CNTNAP3: variants seen among roughly 807,000 people sequenced by gnomAD.
CNTNAP3 encodes contactin-associated protein-like 3.
In CNTNAP3, 36 loss-of-function variants were observed where a neutral mutation model predicts 92.1. That is an observed-to-expected ratio of 0.39 (90% CI 0.30 to 0.52). The LOEUF is 0.52. Among genes scored for constraint, CNTNAP3 ranks in the 20% least tolerant of loss-of-function variants. The pLI is 0.76. For synonymous variants in CNTNAP3, 232 were observed against 422.3 expected, an observed-to-expected ratio of 0.55 and a Z score of 5.53; for missense variants, 534 against 1,069.6, an observed-to-expected ratio of 0.50 and a Z score of 6.98.
intron 13 of CNTNAP3, among the ~76,000 whole-genome samples, chr9:39,123,624 T>C (rs1821089495): frequency 6.6e-6 from 1 of 151,936 alleles, no homozygotes; most frequent in South Asian, 2.1e-4. Flanking sequence ...TTGCAAAAAA[T>C]TGAAGACTTT....
chr9:39,111,532 T>G (rs954222602), intron 14 of CNTNAP3, among the ~76,000 whole-genome samples: 1 of 152,138 alleles, frequency 6.6e-6, no homozygotes, highest in Non-Finnish European at 1.5e-5. Flanking sequence ...GCATCACCAT[T>G]CAGCTTTAGA....
rs1488371902 is a variant in CNTNAP3 at position 39,145,587 on chromosome 9, G to A, written c.1650-1241C>T. Among the ~76,000 whole-genome samples, 3 of 137,042 alleles carry A rather than the reference G, an allele frequency of 2.2e-5. 1 individual carries two copies. The highest frequency in any genetic ancestry group is 7.0e-5 in the Admixed American group (1 of 14,374). The allele number at this position is 137,042 out of a possible 152,430, so 89.9% of individuals were successfully genotyped here. On this transcript the variant is annotated intron_variant, in intron 10 of 23. Transcript: ENST00000297668. ...GAGGTCCTTTGAGGGGAACCTGAGGGGCTGGGAAGAATCCGCAGCATTCCC... is the reference window on the plus strand; with the variant it reads ...GAGGTCCTTTGAGGGGAACCTGAGGAGCTGGGAAGAATCCGCAGCATTCCC...
intron 13 of CNTNAP3, among the ~76,000 whole-genome samples, chr9:39,123,224 A>G (rs926642753): frequency 2.0e-5 from 3 of 151,290 alleles, no homozygotes; most frequent in African/African-American, 7.3e-5. Flanking sequence ...CCTCCCGAGT[A>G]GCTGGGACTA....
chr9:39,105,188 G>C (rs1412542745), intron 15 of CNTNAP3, among the ~76,000 whole-genome samples: 1 of 152,164 alleles, frequency 6.6e-6, no homozygotes, highest in Non-Finnish European at 1.5e-5. Context: ...AGCACTTTGG[G>C]AGGCCAAGGC....
At chr9:39,086,058 TTACTC>T in intron 20 of CNTNAP3, 1 of 587,976 alleles carries the variant, frequency 1.7e-6, no homozygotes. Flanking sequence ...CTTGCTGGCT[TTACTC>T]TTCTTCATAA....
rs1466896791 is a variant in CNTNAP3, at chr9:39,133,044, G to A, written c.1968C>T (p.Ser656=). The change falls in exon 13 of 24, where the codon TCC becomes TCT. Residue 656 remains serine, a synonymous_variant. Transcript: ENST00000297668. ...APSGHPRSAV[S]FAYAAGAGQL... ...GCCCCGCGCCCGCTGCGTACGCGAA[G>A]GACACAGCCGAGCGCGGGTGCCCGC... 1.2e-5 allele frequency: 19 copies of A among 1,552,030 alleles called. No homozygotes were observed. The highest frequency in any genetic ancestry group is 2.3e-5 in the East Asian group (1 of 42,892).
At chr9:39,140,758 A>G (rs1821556146) in intron 11 of CNTNAP3, 120 bp from the exon 12 acceptor site, 1 of 1,427,034 alleles carries the variant, frequency 7.0e-7, no homozygotes, top group Non-Finnish European at 9.3e-7. Context: ...CATCATTTTG[A>G]TAGTGTATGA....
At chr9:39,123,616 G>T (rs2117998793) in intron 13 of CNTNAP3, among the ~76,000 whole-genome samples, 1 of 151,994 alleles carries the variant, frequency 6.6e-6, no homozygotes, top group South Asian at 2.1e-4. Context: ...TATTCAAATT[G>T]CAAAAAATTG....
At chr9:39,106,783 A>G (rs919980620) in intron 15 of CNTNAP3, among the ~76,000 whole-genome samples, 8 of 152,096 alleles carry the variant, frequency 5.3e-5, no homozygotes, top group African/African-American at 1.7e-4. Context: ...CAGAGTATCA[A>G]TAGGCAGGGG....
intron 15 of CNTNAP3, among the ~76,000 whole-genome samples, chr9:39,104,477 T>TACACACACACACACACAC (rs60068368): frequency 8.7e-4 from 107 of 123,168 alleles, no homozygotes; most frequent in South Asian, 2.3e-3. Context: ...CACATACACA[T>TACACACACACACACACAC]ACACACACAC....
Position 39,132,954 on chromosome 9 carries a change from C to T in CNTNAP3, c.2058G>A (p.Thr686=), listed in dbSNP as rs560148915. The T allele has an allele frequency of 8.9e-4, 1,377 of 1,546,192 alleles. 12 individuals are homozygous for T. The African/African-American group carries it at 0.016, about 18-fold the overall frequency. The change falls in exon 13 of 24, where the codon ACG becomes ACA. Residue 686 remains threonine, a synonymous_variant. Coordinates refer to ENST00000297668, the MANE Select transcript of CNTNAP3 (RefSeq NM_033655.5). ...TACCTCGTGAGTCCGGGCGCCGCGC[C>T]GTCCCGCAGCGCAGAGCCAGCCGCT... ...CEQRLALRCG[T]ARRPDSRDGT...
At chr9:39,133,882 C>T (rs1415540356) in intron 12 of CNTNAP3, among the ~76,000 whole-genome samples, 1 of 152,166 alleles carries the variant, frequency 6.6e-6, no homozygotes, top group African/African-American at 2.4e-5. Flanking sequence ...TTTAATTCTA[C>T]TATGCTGGTG....
rs1458840227 is a variant in CNTNAP3 at position 39,068,643 on chromosome 9, A to G, written c.*5247T>C. Among the ~76,000 whole-genome samples the G allele has an allele frequency of 6.6e-6, 1 of 152,302 alleles. No individual in the cohort carries two copies. On this transcript the variant is annotated 3_prime_UTR_variant, in exon 24 of 24. Coordinates refer to ENST00000297668, the MANE Select transcript of CNTNAP3 (RefSeq NM_033655.5). ...CTCCAGATTTGCAAAGTTTTCTCCA[A>G]TGCAGCTCTTTCCTCGCCGGTACTC... is the stretch of plus-strand genomic sequence containing the variant.
intron 9 of CNTNAP3, among the ~76,000 whole-genome samples, chr9:39,152,801 A>G (rs1821870423): frequency 8.0e-6 from 1 of 124,792 alleles, no homozygotes; most frequent in African/African-American, 3.6e-5. Flanking sequence ...GACTACAGGC[A>G]CGCGCCACCA....
intron 14 of CNTNAP3, among the ~76,000 whole-genome samples, chr9:39,117,694 A>G (rs1468041895): frequency 6.6e-6 from 1 of 152,204 alleles, no homozygotes; most frequent in Non-Finnish European, 1.5e-5. Flanking sequence ...TGTTAATGTT[A>G]ATTTCTAAAA....
Position 39,068,857 on chromosome 9 carries a change from G to A in CNTNAP3, c.*5033C>T, listed in dbSNP as rs1267232937. On this transcript the variant is annotated 3_prime_UTR_variant, in exon 24 of 24. Transcript: ENST00000297668. The stretch of plus-strand genomic sequence containing the variant: ...TCCTGTCTTTCAGGGATTACATTCC[G>A]TGCCTCATGTCCAGTGTACTGAAAA... Among the ~76,000 whole-genome samples the A allele has an allele frequency of 6.6e-5, 10 of 152,290 alleles. No individual in the cohort carries two copies. Among genetic ancestry groups the A allele is most frequent in the East Asian group, 3.9e-4 (2 of 5,078 alleles).
At position 39,122,200 on chromosome 9, in the gene CNTNAP3, A is replaced by C. The variant is rs559535612; in HGVS notation, c.2081-3941T>G. ...AAACCCCGTATCTACTAAAAATAGA[A>C]AAAAATTAGCCGGGCGTGGTGGCGG... is the stretch of plus-strand genomic sequence containing the variant. On this transcript the variant is annotated intron_variant, in intron 13 of 23. Transcript: ENST00000297668. 2.6e-5 allele frequency among the ~76,000 whole-genome samples: 4 copies of C among 152,254 alleles called. No homozygotes were observed. The South Asian group carries it at 8.3e-4, about 32-fold the overall frequency.
At chr9:39,126,645 T>C (rs1821159527) in intron 13 of CNTNAP3, among the ~76,000 whole-genome samples, 1 of 152,052 alleles carries the variant, frequency 6.6e-6, no homozygotes, top group African/African-American at 2.4e-5. Flanking sequence ...AATTAATTAA[T>C]ATAGTCCATC....
Position 39,094,449 on chromosome 9 carries a change from A to G in CNTNAP3, c.2995+5462T>C, listed in dbSNP as rs1826282872. Reference sequence around the variant, plus strand: ...AAAAACCACTGCCAAATCCAAGATCATGAAGATCTGCCTATATATCTTCTA... The same window carrying G: ...AAAAACCACTGCCAAATCCAAGATCGTGAAGATCTGCCTATATATCTTCTA... On this transcript the variant is annotated intron_variant, in intron 18 of 23. Transcript: ENST00000297668. Among the ~76,000 whole-genome samples the G allele has an allele frequency of 3.3e-5, 5 of 151,638 alleles. No homozygotes were observed. The South Asian group carries it at 1.0e-3, about 31-fold the overall frequency.
Sources: allele counts gnomAD v4.1 joint callset (sites outside exome capture counted in the v4.1 genomes callset), GRCh38; gene constraint gnomAD v4.1.1; transcripts MANE v1.5; gene names NCBI Gene and HGNC (gene_info 2026-07-23, HGNC 2026-07-21).